PRPSAP1: variants seen among roughly 807,000 people sequenced by gnomAD.
The protein encoded by PRPSAP1 is phosphoribosyl pyrophosphate synthetase associated protein 1.
PRPSAP1 carries 31 observed loss-of-function variants against 39.4 expected under a neutral mutation model. That is an observed-to-expected ratio of 0.79 (90% CI 0.59 to 1.06). The LOEUF (loss-of-function observed/expected upper bound fraction) is 1.06, where lower values mean the gene tolerates loss of function less well. Ranked by LOEUF, PRPSAP1 falls within the 50% of genes least tolerant of loss-of-function variation. The pLI, the probability that PRPSAP1 is intolerant of heterozygous loss-of-function variation, is 0.00. For missense variants in PRPSAP1, 430 were observed against 511.6 expected (o/e 0.84, Z 1.54); for synonymous variants, 212 against 192.6 (o/e 1.10, Z -0.83).
intron 7 of PRPSAP1, among the ~76,000 whole-genome samples, chr17:76,322,392 T>G (rs1377961251): frequency 6.6e-6 from 1 of 152,064 alleles, no homozygotes; most frequent in Admixed American, 6.6e-5. Context: ...CAAGACTCCA[T>G]CTCAAAAAAA....
intron 3 of PRPSAP1, among the ~76,000 whole-genome samples, chr17:76,341,649 G>T (rs1174036135): frequency 1.3e-5 from 2 of 152,300 alleles, no homozygotes; most frequent in African/African-American, 4.8e-5. Context: ...TTTAGAATTA[G>T]ACCCCAATGG....
At chr17:76,343,095 A>G (rs1379400061) in intron 3 of PRPSAP1, among the ~76,000 whole-genome samples, 2 of 152,306 alleles carry the variant, frequency 1.3e-5, no homozygotes, top group African/African-American at 4.8e-5. Flanking sequence ...AAAACAAACA[A>G]AAACGAAACA....
intron 1 of PRPSAP1, among the ~76,000 whole-genome samples, chr17:76,350,427 A>C (rs1314971252): frequency 6.6e-6 from 1 of 151,610 alleles, no homozygotes; most frequent in Non-Finnish European, 1.5e-5. Context: ...CGACAGAGTG[A>C]GATTCCGTCT....
intron 7 of PRPSAP1, among the ~76,000 whole-genome samples, chr17:76,321,686 G>GAA (rs1241711844): frequency 1.3e-5 from 2 of 152,270 alleles, no homozygotes; most frequent in East Asian, 3.9e-4. Flanking sequence ...GTGTTTAAGT[G>GAA]AAAGGAAGAG....
intron 3 of PRPSAP1, among the ~76,000 whole-genome samples, chr17:76,334,808 C>T (rs2071361535): frequency 6.6e-6 from 1 of 152,116 alleles, no homozygotes; most frequent in East Asian, 1.9e-4. Flanking sequence ...ATTAATAATG[C>T]CAAGTCTGGC....
intron 6 of PRPSAP1, 35 bp from the exon 7 acceptor site, chr17:76,328,897 G>GA (rs1567802734): frequency 6.3e-7 from 1 of 1,579,632 alleles, no homozygotes; most frequent in Non-Finnish European, 8.6e-7. Flanking sequence ...AAACTGACAG[G>GA]AAGAAATCCC....
chr17:76,323,675 G>C (rs955685257), intron 7 of PRPSAP1, among the ~76,000 whole-genome samples: 1 of 151,724 alleles, frequency 6.6e-6, no homozygotes, highest in Non-Finnish European at 1.5e-5. Context: ...AACTGTAATG[G>C]ATAAGGAGTT....
At chr17:76,345,237 T>TTAAAAAAAAA (rs1229631533) in intron 2 of PRPSAP1, among the ~76,000 whole-genome samples, 2 of 62,194 alleles carry the variant, frequency 3.2e-5, no homozygotes, top group African/African-American at 1.1e-4. Context: ...TCCGTCTCAT[T>TTAAAAAAAAA]AAAAAAAAAA....
At chr17:76,352,518 G>GCA in intron 1 of PRPSAP1, among the ~76,000 whole-genome samples, 1 of 151,928 alleles carries the variant, frequency 6.6e-6, no homozygotes, top group Non-Finnish European at 1.5e-5. Flanking sequence ...GGTGGCGGGT[G>GCA]CCTGTAGTCC....
intron 7 of PRPSAP1, chr17:76,314,742 G>C (rs143055514): frequency 6.6e-6 from 1 of 152,204 alleles, no homozygotes; most frequent in Non-Finnish European, 1.5e-5. Context: ...CAGTTGAGAC[G>C]GGCCGTGTCT....
At chr17:76,334,891 A>G (rs1427555326) in intron 3 of PRPSAP1, among the ~76,000 whole-genome samples, 1 of 152,148 alleles carries the variant, frequency 6.6e-6, no homozygotes, top group African/African-American at 2.4e-5. Flanking sequence ...GGGAATTCAT[A>G]ATAGTCAATT....
chr17:76,313,774 A>AC, intron 8 of PRPSAP1, 47 bp downstream of exon 8: 9 of 1,602,146 alleles, frequency 5.6e-6, no homozygotes, highest in Non-Finnish European at 7.7e-6. Flanking sequence ...CCTACTGACC[A>AC]AGAGCCAGGA....
intron 1 of PRPSAP1, among the ~76,000 whole-genome samples, chr17:76,351,382 GC>G (rs1255677804): frequency 7.9e-5 from 12 of 152,182 alleles, no homozygotes; most frequent in Non-Finnish European, 1.5e-4. Context: ...GTGCGAGGTG[GC>G]GGGGGCCTGT....
At chr17:76,350,020 G>T (rs1379641461) in intron 1 of PRPSAP1, among the ~76,000 whole-genome samples, 2 of 151,696 alleles carry the variant, frequency 1.3e-5, no homozygotes, top group Non-Finnish European at 2.9e-5. Context: ...GGGAGGCGGG[G>T]GCTGCAGTGA....
rs1598532887 is a variant in PRPSAP1 at position 76,336,704 on chromosome 17, C to T, written c.291-4269G>A. Among the ~76,000 whole-genome samples the T allele has an allele frequency of 2.3e-5, 3 of 129,340 alleles. No individual in the cohort carries two copies. In the East Asian group the frequency reaches 6.3e-4, roughly 27 times the overall value. 84.9% of individuals were successfully genotyped at this position (129,340 alleles called of 152,430 possible). On this transcript the variant is annotated intron_variant, in intron 3 of 9. Transcript: ENST00000446526. ...CCGAGATCATGCCATTGCACTCCAG[C>T]CTGGGCAACAAGAGTGAAACTCCAT...
At chr17:76,348,644 C>A (rs2071536356) in intron 1 of PRPSAP1, 63 bp from the exon 2 acceptor site, 3 of 1,184,096 alleles carry the variant, frequency 2.5e-6, no homozygotes, top group Admixed American at 3.0e-5. Flanking sequence ...AATTCCAGTT[C>A]ATATGCATAT....
intron 7 of PRPSAP1, among the ~76,000 whole-genome samples, chr17:76,321,582 C>T (rs1301715139): frequency 1.3e-5 from 2 of 152,086 alleles, no homozygotes. Context: ...GCTCCACTGA[C>T]CTGCTGTTCC....
intron 2 of PRPSAP1, among the ~76,000 whole-genome samples, chr17:76,346,445 T>C (rs2143544880): frequency 6.6e-6 from 1 of 152,278 alleles, no homozygotes; most frequent in East Asian, 1.9e-4. Flanking sequence ...CTTCTCCCTT[T>C]CCACCTTTCA....
At chr17:76,335,355 G>GT (rs1020686056) in intron 3 of PRPSAP1, among the ~76,000 whole-genome samples, 11 of 151,658 alleles carry the variant, frequency 7.3e-5, no homozygotes, top group African/African-American at 2.7e-4. Context: ...GGTTTTTTTT[G>GT]TTTTTTGTTT....
Sources: allele counts gnomAD v4.1 joint callset (sites outside exome capture counted in the v4.1 genomes callset), GRCh38; gene constraint gnomAD v4.1.1; transcripts MANE v1.5; gene names NCBI Gene and HGNC (gene_info 2026-07-23, HGNC 2026-07-21).